SDK1: variants seen among roughly 807,000 people sequenced by gnomAD.
The protein encoded by SDK1 is protein sidekick-1.
SDK1 carries 157 observed loss-of-function variants against 245.5 expected under a neutral mutation model. The observed-to-expected ratio is 0.64, with a 90% CI of 0.56 to 0.73. SDK1 has a LOEUF of 0.73. SDK1 is among the 30% of genes least tolerant of loss of function. The probability of loss-of-function intolerance (pLI) is 0.00; values close to 1 mark genes in which losing one functional copy is unlikely to be tolerated. For synonymous variants in SDK1, 1,647 were observed against 1,278.5 expected, an observed-to-expected ratio of 1.29 and a Z score of -6.15; for missense variants, 3,583 against 3,002.3, an observed-to-expected ratio of 1.19 and a Z score of -4.52.
intron 17 of SDK1, among the ~76,000 whole-genome samples, chr7:4,037,132 G>A (rs1326838957): frequency 6.6e-6 from 1 of 152,172 alleles, no homozygotes; most frequent in Non-Finnish European, 1.5e-5. Context: ...TTGTCAATTT[G>A]AAATTGCAAT....
chr7:3,868,132 G>A (rs182954024), intron 5 of SDK1, among the ~76,000 whole-genome samples: 133 of 152,262 alleles, frequency 8.7e-4, no homozygotes, highest in African/African-American at 2.8e-3. Context: ...ATGACCCAAA[G>A]GAATGAGTCA....
At chr7:4,071,673 T>C (rs1473498520) in intron 20 of SDK1, among the ~76,000 whole-genome samples, 6 of 152,208 alleles carry the variant, frequency 3.9e-5, no homozygotes, top group Non-Finnish European at 7.3e-5. Context: ...TTTTAAAAGC[T>C]GAGCAGGAGG....
chr7:4,164,771 C>T (rs971835658), intron 32 of SDK1, among the ~76,000 whole-genome samples: 2 of 152,176 alleles, frequency 1.3e-5, no homozygotes, highest in East Asian at 1.9e-4. Context: ...AGCTCAGGGA[C>T]GTGCCTAGTG....
At position 3,345,516 on chromosome 7, in the gene SDK1, A is replaced by G. The variant is rs1780468503; in HGVS notation, c.298+43632A>G. Among the ~76,000 whole-genome samples the G allele has an allele frequency of 2.0e-5, 3 of 152,316 alleles. No homozygotes were observed. The South Asian group carries it at 6.2e-4, about 32-fold the overall frequency. ...TACAATAAGCATGATTTGCAATGCC[A>G]TTTTATTTAAATGGCAGAGAAACCC... On this transcript the variant is annotated intron_variant, in intron 1 of 44. Coordinates refer to ENST00000404826, the MANE Select transcript of SDK1 (RefSeq NM_152744.4).
At chr7:3,463,568 G>A (rs1407631979) in intron 1 of SDK1, among the ~76,000 whole-genome samples, 2 of 152,180 alleles carry the variant, frequency 1.3e-5, no homozygotes, top group African/African-American at 2.4e-5. Context: ...GGATCATTTA[G>A]CCATGGGATC....
chr7:3,432,835 T>C (rs1017318029), intron 1 of SDK1, among the ~76,000 whole-genome samples: 10 of 152,312 alleles, frequency 6.6e-5, no homozygotes, highest in African/African-American at 2.4e-4. Flanking sequence ...TTTTTCTTCA[T>C]CTGAAAGAGA....
At chr7:3,414,547 T>G (rs983457273) in intron 1 of SDK1, among the ~76,000 whole-genome samples, 1 of 152,194 alleles carries the variant, frequency 6.6e-6, no homozygotes, top group Non-Finnish European at 1.5e-5. Context: ...TTGGCAAATT[T>G]ATGGAACTGT....
intron 1 of SDK1, among the ~76,000 whole-genome samples, chr7:3,322,720 G>T (rs1252828796): frequency 6.6e-6 from 1 of 152,108 alleles, no homozygotes; most frequent in African/African-American, 2.4e-5. Flanking sequence ...ATCTCTTCCT[G>T]GTTTCACATG....
At chr7:4,252,104 C>T (rs983876941) in intron 44 of SDK1, among the ~76,000 whole-genome samples, 1 of 152,050 alleles carries the variant, frequency 6.6e-6, no homozygotes, top group African/African-American at 2.4e-5. Context: ...ATGTGCACAA[C>T]GTGCAGGTTT....
At chr7:3,508,917 G>C (rs1782486131) in intron 1 of SDK1, among the ~76,000 whole-genome samples, 1 of 152,198 alleles carries the variant, frequency 6.6e-6, no homozygotes, top group Non-Finnish European at 1.5e-5. Context: ...TTCAGTGCAG[G>C]ATTTAGTTTG....
At chr7:4,102,199 T>TCTGGGCCTTC (rs142167010) in intron 22 of SDK1, among the ~76,000 whole-genome samples, 22,556 of 151,986 alleles carry the variant, frequency 0.15, 2,991 homozygotes, top group African/African-American at 0.36. Flanking sequence ...GGAACTGGCC[T>TCTGGGCCTTC]CTGGGCCTTC....
intron 4 of SDK1, among the ~76,000 whole-genome samples, chr7:3,688,607 C>T (rs1007177711): frequency 6.6e-6 from 1 of 152,228 alleles, no homozygotes. Context: ...TTTCTAACAG[C>T]ATGATTTCTA....
At chr7:3,416,653 G>T (rs1166807413) in intron 1 of SDK1, among the ~76,000 whole-genome samples, 1 of 152,016 alleles carries the variant, frequency 6.6e-6, no homozygotes, top group Non-Finnish European at 1.5e-5. Flanking sequence ...GTTCAGGTTT[G>T]CTCTGTGAAC....
intron 44 of SDK1, among the ~76,000 whole-genome samples, chr7:4,260,548 A>T (rs1787925627): frequency 9.5e-6 from 1 of 105,414 alleles, no homozygotes; most frequent in African/African-American, 4.0e-5. Context: ...AGATGTGTTC[A>T]TCGTCACCTG....
intron 25 of SDK1, among the ~76,000 whole-genome samples, chr7:4,124,113 G>C (rs986088680): frequency 5.3e-5 from 8 of 152,192 alleles, no homozygotes; most frequent in African/African-American, 7.2e-5. Flanking sequence ...CCTTGTCTAG[G>C]GAAACACCTG....
intron 3 of SDK1, among the ~76,000 whole-genome samples, chr7:3,640,953 A>G (rs1782631570): frequency 6.6e-6 from 1 of 151,932 alleles, no homozygotes; most frequent in African/African-American, 2.4e-5. Flanking sequence ...AAGTGCTGGG[A>G]TGACAGGTGT....
intron 1 of SDK1, among the ~76,000 whole-genome samples, chr7:3,344,032 A>AG (rs1353167229): frequency 6.6e-6 from 1 of 151,966 alleles, no homozygotes; most frequent in Non-Finnish European, 1.5e-5. Flanking sequence ...AAAAAAAAAA[A>AG]AAAACTAGAA....
chr7:3,346,685 G>A (rs1341239291), intron 1 of SDK1, among the ~76,000 whole-genome samples: 1 of 135,724 alleles, frequency 7.4e-6, no homozygotes, highest in African/African-American at 2.9e-5. Flanking sequence ...TTTTTGGTGT[G>A]TGTGTGTATG....
intron 1 of SDK1, among the ~76,000 whole-genome samples, chr7:3,547,921 C>G (rs1004388804): frequency 2.6e-5 from 4 of 152,196 alleles, no homozygotes; most frequent in African/African-American, 7.2e-5. Context: ...CCAGTACCTT[C>G]TTTGTTGAAG....
Sources: gnomAD v4.1 joint callset for allele counts (sites outside exome capture counted in the v4.1 genomes callset) on GRCh38, gnomAD v4.1.1 for gene constraint, MANE v1.5 for transcripts, NCBI Gene and HGNC (gene_info 2026-07-23, HGNC 2026-07-21) for gene names.